MAP1S: variants seen among roughly 807,000 people sequenced by gnomAD.
MAP1S encodes microtubule-associated protein 1S.
A neutral mutation model predicts 60.9 loss-of-function variants in MAP1S; 27 were observed. The ratio of observed to expected loss-of-function variants is 0.44; its 90% CI spans 0.33 to 0.61. MAP1S has a LOEUF of 0.61. MAP1S is among the 20% of genes least tolerant of loss of function. The pLI is 0.03. For missense variants in MAP1S, 1,608 were observed against 1,486.6 expected, an observed-to-expected ratio of 1.08 and a Z score of -1.34; for synonymous variants, 826 against 694.2, an observed-to-expected ratio of 1.19 and a Z score of -2.98.
In MAP1S at chr19:17,726,902, A is replaced by T; in HGVS notation, c.1518A>T (p.Pro506=). Residue 506 remains proline, a synonymous_variant, in exon 5 of 7, where the codon CCA becomes CCT. Coordinates refer to ENST00000324096, the MANE Select transcript of MAP1S (RefSeq NM_018174.6). ...QERPGVARKE[P]ARAEAPRKTE... The stretch of plus-strand genomic sequence containing the variant: ...GCCCTGGGGTGGCCCGCAAGGAGCC[A>T]GCACGGGCTGAGGCCCCACGCAAGA... The T allele has an allele frequency of 6.4e-7, 1 of 1,561,384 alleles. No homozygotes were observed. The highest frequency in any genetic ancestry group is 8.7e-7 in the Non-Finnish European group (1 of 1,153,270).
Position 17,727,078 on chromosome 19 carries a change from C to G in MAP1S, c.1694C>G (p.Ala565Gly). The change falls in exon 5 of 7, where the codon GCG becomes GGG. Residue 565 changes from alanine to glycine, a missense_variant. By Grantham distance (60) the Ala-to-Gly change is moderately conservative. Around this residue, in one of 4 missense-constraint regions of MAP1S, gnomAD observed 1,167 missense variants for 961.4 expected, o/e 1.21. Coordinates refer to ENST00000324096, the MANE Select transcript of MAP1S (RefSeq NM_018174.6). This position sits in a 1 kb window ranked among gnomAD's most constrained non-coding sequence, Gnocchi z 4.1. Reference protein sequence around the residue: ...NAQAAPKPRKAPSTSHSGFPP... With the variant: ...NAQAAPKPRKGPSTSHSGFPP... ...CAGGCGGCACCCAAGCCCCGCAAAG[C>G]GCCCAGCACGTCCCACTCTGGCTTC... 6.2e-7 allele frequency: 1 copy of G among 1,605,784 alleles called. No individual in the cohort carries two copies. The highest frequency in any genetic ancestry group is 8.5e-7 in the Non-Finnish European group (1 of 1,177,622).
chr19:17,724,127 C>T lies in MAP1S; in HGVS notation c.222C>T (p.Gly74=). The T allele has an allele frequency of 6.2e-7, 1 of 1,613,456 alleles. No homozygotes were observed. The highest frequency in any genetic ancestry group is 1.7e-4 in the Middle Eastern group (1 of 6,058). The change falls in exon 3 of 7, where the codon GGC becomes GGT. Residue 74 remains glycine, a splice_region_variant and synonymous_variant. Transcript: ENST00000324096. ...CGGGACGGCCTGATTCCCCCACAGG[C>T]CAGCGGAGCCTGCACCACCGTGGAG... is the stretch of plus-strand genomic sequence containing the variant. ...HSATFSSIVK[G]QRSLHHRGDN... is the part of the protein sequence containing the mutation.
At position 17,725,153 on chromosome 19, in the gene MAP1S, G is replaced by T; in HGVS notation, c.408G>T (p.Ser136=). 1 of 1,613,874 alleles carries T rather than the reference G, an allele frequency of 6.2e-7. No homozygotes were observed. Among genetic ancestry groups the T allele is most frequent in the South Asian group, 1.1e-5 (1 of 91,062 alleles). ...TGCTGCTACAGACAGGGGGCTTCTC[G>T]CCTCACCACTTCCTCCAGGTCCTGA... is the stretch of plus-strand genomic sequence containing the variant. ...GELLLQTGGF[S]PHHFLQVLKD... Residue 136 remains serine, a synonymous_variant, in exon 4 of 7, where the codon TCG becomes TCT. Coordinates refer to ENST00000324096, the MANE Select transcript of MAP1S (RefSeq NM_018174.6). The surrounding 1 kb of genome is among the most constrained non-coding windows in gnomAD (Gnocchi z 4.2).
In MAP1S at chr19:17,725,081, C is replaced by G. The variant is rs2080405556; in HGVS notation, c.336C>G (p.His112Gln). The part of the protein sequence containing the change: ...LRNLLLDPAS[H>Q]KLLVLAGPCL... ...ACCTTCTGTTGGACCCTGCCTCTCA[C>G]AAGCTACTGGTGTTGGCTGGGCCCT... The change falls in exon 4 of 7, where the codon CAC (histidine) becomes CAG (glutamine). Residue 112 changes from histidine to glutamine, a missense_variant. This residue lies in a region of MAP1S where 320 missense variants were observed against 393.1 expected (regional missense o/e 0.81). Transcript: ENST00000324096. This position sits in a 1 kb window ranked among gnomAD's most constrained non-coding sequence, Gnocchi z 4.2. 1 of 1,614,194 alleles carries G rather than the reference C, an allele frequency of 6.2e-7. No homozygotes were observed. The highest frequency in any genetic ancestry group is 1.7e-5 in the Admixed American group (1 of 60,020).
chr19:17,727,387 C>A lies in MAP1S; in HGVS notation c.2003C>A (p.Ala668Asp). ...PLRGGEAGPD[A>D]SPTVTTPTVT... is the part of the protein sequence containing the mutation. ...CGGGGCGGGGAGGCCGGGCCAGACG[C>A]CTCACCCACAGTGACCACACCCACG... Residue 668 changes from alanine to aspartate, a missense_variant, in exon 5 of 7, where the codon GCC becomes GAC. Ala to Asp is a moderately radical substitution (Grantham distance 126). Coordinates refer to ENST00000324096, the MANE Select transcript of MAP1S (RefSeq NM_018174.6). The surrounding 1 kb of genome is among the most constrained non-coding windows in gnomAD (Gnocchi z 4.1). 1.3e-6 allele frequency: 2 copies of A among 1,593,936 alleles called. No homozygotes were observed. Among genetic ancestry groups the A allele is most frequent in the Non-Finnish European group, 1.7e-6 (2 of 1,171,452 alleles).
chr19:17,724,887 G>C (rs1343326329), intron 3 of MAP1S, 162 bp from the exon 4 acceptor site: 1 of 801,982 alleles, frequency 1.2e-6, no homozygotes, highest in Non-Finnish European at 2.1e-6. Flanking sequence ...GGGCCCAGCA[G>C]GAGACCTGGA....
At chr19:17,730,950 G>A (rs1458764921) in intron 5 of MAP1S, among the ~76,000 whole-genome samples, 1 of 149,410 alleles carries the variant, frequency 6.7e-6, no homozygotes, top group Non-Finnish European at 1.5e-5. Context: ...CAGCATGGGA[G>A]CACTATCTTG....
At chr19:17,730,895 C>CTTT (rs779442592) in intron 5 of MAP1S, among the ~76,000 whole-genome samples, 1 of 134,756 alleles carries the variant, frequency 7.4e-6, no homozygotes. Flanking sequence ...TTTTCTTTTT[C>CTTT]TTTTTTTTTT....
chr19:17,725,981 G>T lies in MAP1S; in HGVS notation c.597G>T (p.Ala199=). Reference sequence around the variant, plus strand: ...TCCAGCTGCGGCTGAACCCCCCGGCGCAGCTGCCCAACTCTGAGGGCCTGT... The same window carrying T: ...TCCAGCTGCGGCTGAACCCCCCGGCTCAGCTGCCCAACTCTGAGGGCCTGT... ...LRLQLRLNPP[A]QLPNSEGLCE... is the part of the protein sequence containing the mutation. The change falls in exon 5 of 7, where the codon GCG becomes GCT. Residue 199 remains alanine, a synonymous_variant. Coordinates refer to ENST00000324096, the MANE Select transcript of MAP1S (RefSeq NM_018174.6). This position sits in a 1 kb window ranked among gnomAD's most constrained non-coding sequence, Gnocchi z 4.2. The T allele has an allele frequency of 6.2e-7, 1 of 1,612,212 alleles. No homozygotes were observed. The highest frequency in any genetic ancestry group is 2.2e-5 in the East Asian group (1 of 44,818).
Position 17,726,826 on chromosome 19 carries a change from G to C in MAP1S, c.1442G>C (p.Ser481Thr). 6.4e-7 allele frequency: 1 copy of C among 1,555,454 alleles called. No homozygotes were observed. The highest frequency in any genetic ancestry group is 1.2e-5 in the South Asian group (1 of 84,544). The change falls in exon 5 of 7, where the codon AGC becomes ACC. Residue 481 changes from serine (S) to threonine (T), a missense_variant. Ser to Thr is a moderately conservative substitution (Grantham distance 58). Transcript: ENST00000324096. ...ESKESVGSRD[S>T]SKREGLLATH... ...AAAGAGAGCGTGGGCTCCCGGGACA[G>C]CTCGAAGAGAGAGGGCCTCCTGGCC...
Position 17,727,846 on chromosome 19 carries a change from A to G in MAP1S, c.2462A>G (p.His821Arg). 1.2e-6 allele frequency: 2 copies of G among 1,613,318 alleles called. No homozygotes were observed. The highest frequency in any genetic ancestry group is 1.7e-4 in the Middle Eastern group (1 of 6,060). The stretch of plus-strand genomic sequence containing the variant: ...ACAGAGGGCTTTGGAGTCCCTCGCC[A>G]CGACCCTTTGCCTGACCCCCTCAAG... ...EDTEGFGVPR[H>R]DPLPDPLKVP... Residue 821 changes from histidine to arginine, a missense_variant, in exon 5 of 7, where the codon CAC (histidine) becomes CGC (arginine). Physicochemically the swap from His to Arg is conservative, Grantham distance 29. Around this residue, in one of 4 missense-constraint regions of MAP1S, gnomAD observed 1,167 missense variants for 961.4 expected, o/e 1.21. Coordinates refer to ENST00000324096, the MANE Select transcript of MAP1S (RefSeq NM_018174.6). The surrounding 1 kb of genome is among the most constrained non-coding windows in gnomAD (Gnocchi z 4.1).
intron 1 of MAP1S, chr19:17,720,187 C>T: frequency 3.0e-6 from 4 of 1,348,392 alleles, no homozygotes; most frequent in Non-Finnish European, 2.8e-6. Context: ...GGTTCACCTG[C>T]AGCCACTTGG....
chr19:17,726,748 G>A lies in MAP1S; in HGVS notation c.1364G>A (p.Arg455Gln). The change falls in exon 5 of 7, where the codon CGA becomes CAA. Residue 455 changes from arginine to glutamine, a missense_variant. Physicochemically the swap from Arg to Gln is conservative, Grantham distance 43 (BLOSUM62 1). Around this residue, in one of 4 missense-constraint regions of MAP1S, gnomAD observed 1,167 missense variants for 961.4 expected, o/e 1.21. Coordinates refer to ENST00000324096, the MANE Select transcript of MAP1S (RefSeq NM_018174.6). Reference protein sequence around the residue: ...LVRLQHLRFLREPVVTPQDLE... With the variant: ...LVRLQHLRFLQEPVVTPQDLE... ...CGCCTGCAGCACTTGAGGTTCCTGCGAGAGCCCGTGGTGACGCCCCAGGAC... is the reference window on the plus strand; with the variant it reads ...CGCCTGCAGCACTTGAGGTTCCTGCAAGAGCCCGTGGTGACGCCCCAGGAC... 6.3e-6 allele frequency: 10 copies of A among 1,575,202 alleles called. No individual in the cohort carries two copies. Among genetic ancestry groups the A allele is most frequent in the Non-Finnish European group, 8.6e-6 (10 of 1,164,126 alleles).
intron 2 of MAP1S, 147 bp downstream of exon 2, chr19:17,721,184 G>A (rs2080367457): frequency 1.4e-6 from 1 of 716,654 alleles, no homozygotes; most frequent in Non-Finnish European, 2.5e-6. Context: ...CCGTGACCCA[G>A]TGATAACCCC....
Position 17,727,038 on chromosome 19 carries a change from A to G in MAP1S, c.1654A>G (p.Lys552Glu), listed in dbSNP as rs969350991. The G allele has an allele frequency of 1.2e-6, 2 of 1,605,374 alleles. No individual in the cohort carries two copies. Among genetic ancestry groups the G allele is most frequent in the Non-Finnish European group, 1.7e-6 (2 of 1,176,996 alleles). The change falls in exon 5 of 7, where the codon AAG becomes GAG. Residue 552 changes from lysine (K) to glutamate (E), a missense_variant. This residue lies in a region of MAP1S where 1,167 missense variants were observed against 961.4 expected (regional missense o/e 1.21). Coordinates refer to ENST00000324096, the MANE Select transcript of MAP1S (RefSeq NM_018174.6). The surrounding 1 kb of genome is among the most constrained non-coding windows in gnomAD (Gnocchi z 4.1). Reference protein sequence around the residue: ...RRAASSVPNLKKTNAQAAPKP... With the variant: ...RRAASSVPNLEKTNAQAAPKP... ...GGCAGCCTCTTCTGTGCCCAACCTCAAGAAGACGAATGCCCAGGCGGCACC... is the reference window on the plus strand; with the variant it reads ...GGCAGCCTCTTCTGTGCCCAACCTCGAGAAGACGAATGCCCAGGCGGCACC...
intron 5 of MAP1S, among the ~76,000 whole-genome samples, chr19:17,731,451 T>A (rs1322639678): frequency 6.6e-6 from 1 of 152,222 alleles, no homozygotes; most frequent in Non-Finnish European, 1.5e-5. Context: ...TCTATTGTAT[T>A]CCATTGGTCT....
At chr19:17,721,171 A>T (rs2145970774) in intron 2 of MAP1S, 134 bp downstream of exon 2, 1 of 759,928 alleles carries the variant, frequency 1.3e-6, no homozygotes, top group East Asian at 2.6e-5. Flanking sequence ...TTTCAAATGC[A>T]AGCCGTGACC....
At chr19:17,732,499 G>T (rs368094235) in intron 5 of MAP1S, among the ~76,000 whole-genome samples, 2 of 152,118 alleles carry the variant, frequency 1.3e-5, no homozygotes, top group African/African-American at 2.4e-5. Flanking sequence ...TTTGGACAAG[G>T]CCCCCAGAGC....
chr19:17,728,773 C>T (rs997539650), intron 5 of MAP1S: 4 of 151,950 alleles, frequency 2.6e-5, no homozygotes, highest in African/African-American at 9.7e-5. Context: ...CCAGGCTGGT[C>T]TCGAACTCCG....
Sources: allele counts gnomAD v4.1 joint callset (sites outside exome capture counted in the v4.1 genomes callset), GRCh38; gene constraint gnomAD v4.1.1; regional missense constraint gnomAD v4.1.1; non-coding constraint Gnocchi (gnomAD v3.1); transcripts MANE v1.5; gene names NCBI Gene and HGNC (gene_info 2026-07-23, HGNC 2026-07-21).